PRDM11: variants seen among roughly 807,000 people sequenced by gnomAD.
PRDM11 encodes PR domain-containing protein 11.
A neutral mutation model predicts 97.8 loss-of-function variants in PRDM11; 20 were observed. The observed-to-expected ratio is 0.20, with a 90% confidence interval of 0.14 to 0.30. The LOEUF is 0.30. PRDM11 is among the 10% of genes least tolerant of loss of function. PRDM11 has a pLI of 1.00. For synonymous variants in PRDM11, 599 were observed against 637.7 expected (o/e 0.94, Z 0.91); for missense variants, 1,139 against 1,555.2 (o/e 0.73, Z 4.50).
At chr11:45,176,485 T>G (rs1349674027) in intron 1 of PRDM11, among the ~76,000 whole-genome samples, 1 of 152,216 alleles carries the variant, frequency 6.6e-6, no homozygotes, top group Non-Finnish European at 1.5e-5. Context: ...GGTCAGGCAT[T>G]ATGCTGTGTT....
chr11:45,182,870 C>G lies in PRDM11; in HGVS notation c.233C>G (p.Ser78Cys), dbSNP rs1852562298. 2.5e-6 allele frequency: 4 copies of G among 1,589,238 alleles called. No homozygotes were observed. In the South Asian group the frequency reaches 3.4e-5, roughly 14 times the overall value. ...CTTTCCATCCCTCCAGTCTGTGAGT[C>G]CTGCCAGGAGTACTTCGTGGATGAA... The part of the protein sequence containing the change: ...FQQVDFWFCE[S>C]CQEYFVDECP... The change falls in exon 4 of 8, where the codon TCC (serine) becomes TGC (cysteine). Residue 78 changes from serine (S) to cysteine (C), a missense_variant. Ser to Cys is a moderately radical substitution (Grantham distance 112). This residue lies in a region of PRDM11 where 429 missense variants were observed against 510.3 expected (regional missense o/e 0.84). Transcript: ENST00000683152.
rs923897849 is a variant in PRDM11 at position 45,224,323 on chromosome 11, C to T, written c.849C>T (p.Tyr283=). ...TGCTGAGACAGGGCAAAAGTCCCTA[C>T]AAGCGTGGCTTTGATGAGGGGGATG... ...LSVLRQGKSP[Y]KRGFDEGDVH... Residue 283 remains tyrosine, a synonymous_variant, in exon 7 of 8, where the codon TAC becomes TAT. Coordinates refer to ENST00000683152, the MANE Select transcript of PRDM11 (RefSeq NM_001384648.1). 2.5e-6 allele frequency: 4 copies of T among 1,614,184 alleles called. No homozygotes were observed. The highest frequency in any genetic ancestry group is 3.4e-6 in the Non-Finnish European group (4 of 1,180,044).
intron 1 of PRDM11, among the ~76,000 whole-genome samples, chr11:45,175,172 G>T (rs1300945203): frequency 6.6e-6 from 1 of 152,158 alleles, no homozygotes; most frequent in African/African-American, 2.4e-5. Context: ...TTACATTAGG[G>T]TTCACTCATG....
chr11:45,095,911 T>C, intron 1 of PRDM11: 1 of 780,854 alleles, frequency 1.3e-6, no homozygotes, highest in Non-Finnish European at 2.4e-6. Context: ...AGTAAGTTGT[T>C]TAAGCTGCTA....
At position 45,219,426 on chromosome 11, in the gene PRDM11, G is replaced by C; in HGVS notation, c.555-144G>C. On this transcript the variant is annotated intron_variant, in intron 5 of 7. Coordinates refer to ENST00000683152, the MANE Select transcript of PRDM11 (RefSeq NM_001384648.1). The surrounding 1 kb of genome is among the most constrained non-coding windows in gnomAD (Gnocchi z 4.2). ...CTGGCTGGTGCTGCTTCTCCGGACA[G>C]GGCAGCTGCTCTGCTGATGTTCACA... is the stretch of plus-strand genomic sequence containing the variant. The C allele has an allele frequency of 1.3e-6, 1 of 761,938 alleles. No individual in the cohort carries two copies. Among genetic ancestry groups the C allele is most frequent in the Non-Finnish European group, 2.1e-6 (1 of 478,624 alleles). 47.2% of individuals were successfully genotyped at this position (761,938 alleles called of 1,614,324 possible).
rs150109618 is a variant in PRDM11, at chr11:45,121,038, C to A, written c.96+25137C>A. 2.7e-4 allele frequency among the ~76,000 whole-genome samples: 41 copies of A among 152,082 alleles called. No homozygotes were observed. In the South Asian group the frequency reaches 8.3e-3, roughly 31 times the overall value. On this transcript the variant is annotated intron_variant, in intron 1 of 6. Transcript: ENST00000530656. ...ACTGAAAGAAAAAAAGAACATATAA[C>A]CACGAAGCTAACAGAAGTGACAAAA...
chr11:45,166,091 C>G (rs978337440), intron 1 of PRDM11, among the ~76,000 whole-genome samples: 1 of 152,192 alleles, frequency 6.6e-6, no homozygotes, highest in East Asian at 1.9e-4. Context: ...GACTGAAACT[C>G]AAGTCAAACA....
upstream of PRDM11, among the ~76,000 whole-genome samples, chr11:45,142,097 G>A (rs1851416424): frequency 6.6e-6 from 1 of 152,170 alleles, no homozygotes; most frequent in African/African-American, 2.4e-5. Flanking sequence ...CAAACTCACT[G>A]GGACTCAGTA....
Position 45,226,919 on chromosome 11 carries a change from C to T in PRDM11, c.2294C>T (p.Pro765Leu). ...LLCLPFMVHR[P>L]HLEILDAISG... The stretch of plus-strand genomic sequence containing the variant: ...TGCCTGCCCTTCATGGTGCACCGGC[C>T]CCACCTGGAGATCCTGGATGCCATC... Residue 765 changes from proline (P) to leucine (L), a missense_variant, in exon 8 of 8, where the codon CCC becomes CTC. Coordinates refer to ENST00000683152, the MANE Select transcript of PRDM11 (RefSeq NM_001384648.1). 1 of 1,533,972 alleles carries T rather than the reference C, an allele frequency of 6.5e-7. No individual in the cohort carries two copies. Among genetic ancestry groups the T allele is most frequent in the South Asian group, 1.2e-5 (1 of 83,964 alleles).
chr11:45,137,141 C>G (rs1346655375), intron 1 of PRDM11, among the ~76,000 whole-genome samples: 1 of 124,346 alleles, frequency 8.0e-6, no homozygotes, highest in Non-Finnish European at 1.7e-5. Context: ...TCAGCCTGGG[C>G]GAGGGAGTGA....
At chr11:45,183,817 C>G (rs1296028165) in intron 4 of PRDM11, among the ~76,000 whole-genome samples, 2 of 152,160 alleles carry the variant, frequency 1.3e-5, no homozygotes, top group South Asian at 2.1e-4. Flanking sequence ...GATCCTTATT[C>G]ACTACAAAAA....
At chr11:45,195,993 C>T (rs1326669688) in intron 4 of PRDM11, among the ~76,000 whole-genome samples, 2 of 152,184 alleles carry the variant, frequency 1.3e-5, no homozygotes, top group African/African-American at 4.8e-5. Flanking sequence ...CATTTGTGTA[C>T]AAGTTTCCAT....
chr11:45,124,401 G>C (rs1256415736), intron 1 of PRDM11, among the ~76,000 whole-genome samples: 1 of 151,994 alleles, frequency 6.6e-6, no homozygotes, highest in Non-Finnish European at 1.5e-5. Context: ...TGGTGAGAGA[G>C]GGCATCCCTG....
chr11:45,134,395 C>T (rs1852785807), intron 1 of PRDM11, among the ~76,000 whole-genome samples: 1 of 152,112 alleles, frequency 6.6e-6, no homozygotes, highest in Non-Finnish European at 1.5e-5. Flanking sequence ...ACAAAGCCCA[C>T]TCACACAAAA....
At chr11:45,130,310 G>C (rs79754676) in intron 1 of PRDM11, among the ~76,000 whole-genome samples, 2,429 of 152,160 alleles carry the variant, frequency 0.016, 64 homozygotes, top group African/African-American at 0.056. Flanking sequence ...TCAGGAGCGT[G>C]AAAAGGCAAA....
chr11:45,142,548 G>T (rs528303190), upstream of PRDM11, among the ~76,000 whole-genome samples: 1 of 152,264 alleles, frequency 6.6e-6, no homozygotes, highest in South Asian at 2.1e-4. Context: ...GCCTCAACAG[G>T]AGGGACTAAT....
At chr11:45,203,105 C>T (rs76481014) in intron 4 of PRDM11, among the ~76,000 whole-genome samples, 2,949 of 152,166 alleles carry the variant, frequency 0.019, 100 homozygotes, top group African/African-American at 0.067. Flanking sequence ...TTGAAGAGAA[C>T]GATGGAGGCT....
At chr11:45,202,756 T>A (rs1258369684) in intron 4 of PRDM11, among the ~76,000 whole-genome samples, 1 of 152,080 alleles carries the variant, frequency 6.6e-6, no homozygotes, top group Admixed American at 6.5e-5. Context: ...GAGAGAGGCC[T>A]GAGACAAATA....
chr11:45,135,469 T>G lies in PRDM11; in HGVS notation c.96+39568T>G, dbSNP rs553094759. Among the ~76,000 whole-genome samples, 3 of 152,214 alleles carry G rather than the reference T, an allele frequency of 2.0e-5. No individual in the cohort carries two copies. The East Asian group carries it at 5.8e-4, about 29-fold the overall frequency. On this transcript the variant is annotated intron_variant, in intron 1 of 6. Coordinates refer to the PRDM11 transcript ENST00000530656. ...AATTTAGTAAGATAGCTGGTCAGAA[T>G]ATACATTTATAAAAATCAATAGCTT... is the stretch of plus-strand genomic sequence containing the variant.
Sources: allele counts gnomAD v4.1 joint callset (sites outside exome capture counted in the v4.1 genomes callset), GRCh38; gene constraint gnomAD v4.1.1; regional missense constraint gnomAD v4.1.1; non-coding constraint Gnocchi (gnomAD v3.1); transcripts MANE v1.5; gene names NCBI Gene and HGNC (gene_info 2026-07-23, HGNC 2026-07-21).